Variants in CCDC85A observed in about 807,000 individuals in gnomAD.
CCDC85A encodes coiled-coil domain-containing protein 85A.
A neutral mutation model predicts 50.2 loss-of-function variants in CCDC85A; 38 were observed. The ratio of observed to expected loss-of-function variants is 0.76; its 90% CI spans 0.58 to 0.99. The LOEUF is 0.99. Ranked by LOEUF, CCDC85A falls within the 50% of genes least tolerant of loss-of-function variation. The probability of loss-of-function intolerance (pLI) is 0.00; values close to 1 mark genes in which losing one functional copy is unlikely to be tolerated. For missense variants in CCDC85A, 820 were observed against 742.0 expected (o/e 1.11, Z -1.22); for synonymous variants, 366 against 301.4 (o/e 1.21, Z -2.22).
intron 3 of CCDC85A, among the ~76,000 whole-genome samples, chr2:56,355,626 A>G (rs1675186354): frequency 6.6e-6 from 1 of 152,238 alleles, no homozygotes; most frequent in Non-Finnish European, 1.5e-5. Context: ...AAAGAGAAAA[A>G]TAAAATAAGA....
At chr2:56,350,777 G>T in intron 3 of CCDC85A, among the ~76,000 whole-genome samples, 1 of 144,266 alleles carries the variant, frequency 6.9e-6, no homozygotes. Context: ...TCTATTGCAT[G>T]GACATAGCAT....
chr2:56,184,918 G>C lies in CCDC85A; in HGVS notation c.276+18G>C, dbSNP rs376801761. On this transcript the variant is annotated intron_variant, in intron 1 of 5. Transcript: ENST00000407595. ...GCCTCAAGGTGAGCGCGGGCCAGGT[G>C]GGGAGGCGCGGCGCGGCTGGGAGCG... The C allele has an allele frequency of 3.9e-4, 575 of 1,462,800 alleles. 1 individual carries two copies. The African/African-American group carries it at 7.9e-3, about 20-fold the overall frequency. 90.6% of individuals were successfully genotyped at this position (1,462,800 alleles called of 1,614,324 possible).
intron 2 of CCDC85A, among the ~76,000 whole-genome samples, chr2:56,245,730 TG>T (rs1207394211): frequency 6.6e-6 from 1 of 152,078 alleles, no homozygotes; most frequent in African/African-American, 2.4e-5. Context: ...TATTAGGAGG[TG>T]GGGTCTCTAA....
chr2:56,263,034 A>G (rs1461214092), intron 2 of CCDC85A, among the ~76,000 whole-genome samples: 1 of 152,212 alleles, frequency 6.6e-6, no homozygotes, highest in Non-Finnish European at 1.5e-5. Context: ...GACTAAATGA[A>G]TACTTAGGTA....
intron 5 of CCDC85A, chr2:56,383,818 C>T: frequency 1.1e-6 from 1 of 889,302 alleles, no homozygotes; most frequent in Non-Finnish European, 1.3e-6. Context: ...ATATAGGAAC[C>T]AGGATGATCT....
At chr2:56,186,080 A>G (rs1003856545) in intron 1 of CCDC85A, among the ~76,000 whole-genome samples, 19 of 152,248 alleles carry the variant, frequency 1.2e-4, no homozygotes, top group African/African-American at 4.3e-4. Flanking sequence ...AGGCTCACCT[A>G]TGTGCTGGGC....
intron 3 of CCDC85A, among the ~76,000 whole-genome samples, chr2:56,352,421 C>T (rs975525979): frequency 6.6e-6 from 1 of 152,182 alleles, no homozygotes; most frequent in Non-Finnish European, 1.5e-5. Context: ...TCGCGGCTCA[C>T]TGCAATCTCC....
rs370966149 is a variant in CCDC85A, at chr2:56,266,584, C to CA, written c.1240+73144_1240+73145insA. On this transcript the variant is annotated intron_variant, in intron 2 of 5. Transcript: ENST00000407595. The stretch of plus-strand genomic sequence containing the variant: ...TGTCAATTAACAATAACGCGCCCCC[C>CA]CCCCCCATAATCTTCTTCCTCCAAA... Among the ~76,000 whole-genome samples, 3 of 131,672 alleles carry CA rather than the reference C, an allele frequency of 2.3e-5. 1 individual carries two copies. Among genetic ancestry groups the CA allele is most frequent in the Non-Finnish European group, 5.0e-5 (3 of 59,882 alleles). 86.4% of individuals were successfully genotyped at this position (131,672 alleles called of 152,430 possible). A position where few individuals can be genotyped will look rare whatever the true frequency, so the allele number is the denominator to read the frequency against.
chr2:56,184,322 C>T lies in CCDC85A; in HGVS notation c.-303C>T. On this transcript the variant is annotated 5_prime_UTR_variant, in exon 1 of 6. Coordinates refer to ENST00000407595, the MANE Select transcript of CCDC85A (RefSeq NM_001080433.2). Reference sequence around the variant, plus strand: ...CTCCCCCGCTGTCCCCGAGGATTTCCCGCGGCAGCCCCGGGCTCCCCAGTG... The same window carrying T: ...CTCCCCCGCTGTCCCCGAGGATTTCTCGCGGCAGCCCCGGGCTCCCCAGTG... The T allele has an allele frequency of 5.1e-6, 3 of 586,936 alleles. No individual in the cohort carries two copies. The highest frequency in any genetic ancestry group is 6.9e-6 in the Non-Finnish European group (3 of 433,846). 36.4% of individuals were successfully genotyped at this position (586,936 alleles called of 1,614,324 possible).
chr2:56,282,201 C>A (rs573720536), intron 2 of CCDC85A, among the ~76,000 whole-genome samples: 2 of 152,102 alleles, frequency 1.3e-5, no homozygotes, highest in Admixed American at 6.5e-5. Context: ...TACCTTGGCA[C>A]CCTTGTCAAA....
chr2:56,242,027 T>A (rs1669280483), intron 2 of CCDC85A, among the ~76,000 whole-genome samples: 1 of 152,212 alleles, frequency 6.6e-6, no homozygotes, highest in Admixed American at 6.5e-5. Flanking sequence ...CCATTTTAAA[T>A]AGAGTGAGAT....
intron 2 of CCDC85A, among the ~76,000 whole-genome samples, chr2:56,281,773 G>C (rs1161431320): frequency 6.6e-6 from 1 of 152,086 alleles, no homozygotes; most frequent in East Asian, 1.9e-4. Context: ...TGAATTTTTA[G>C]AGTTCTTTAT....
At chr2:56,300,009 G>A (rs1321773166) in intron 2 of CCDC85A, among the ~76,000 whole-genome samples, 2 of 152,154 alleles carry the variant, frequency 1.3e-5, no homozygotes, top group Non-Finnish European at 2.9e-5. Flanking sequence ...GTGAACAAGA[G>A]GCATCTGGGT....
intron 2 of CCDC85A, among the ~76,000 whole-genome samples, chr2:56,286,885 G>A (rs1453901288): frequency 6.6e-6 from 1 of 152,086 alleles, no homozygotes; most frequent in African/African-American, 2.4e-5. Flanking sequence ...ATTACTGGTG[G>A]GTTTTCTTGA....
intron 2 of CCDC85A, among the ~76,000 whole-genome samples, chr2:56,273,846 T>C (rs1670806609): frequency 6.6e-6 from 1 of 152,090 alleles, no homozygotes; most frequent in African/African-American, 2.4e-5. Context: ...CTGATGTTTG[T>C]TCATTATGAA....
At position 56,314,509 on chromosome 2, in the gene CCDC85A, G is replaced by A. The variant is rs148009337; in HGVS notation, c.1241-28370G>A. Among the ~76,000 whole-genome samples, 232 of 152,202 alleles carry A rather than the reference G, an allele frequency of 1.5e-3. 1 individual carries two copies. Among genetic ancestry groups the A allele is most frequent in the African/African-American group, 5.3e-3 (219 of 41,538 alleles). ...AATAGTTTTGGAAGTGCTGCATAGTGTATGTTCCCCCATCATTGCCAAGAT... is the reference window on the plus strand; with the variant it reads ...AATAGTTTTGGAAGTGCTGCATAGTATATGTTCCCCCATCATTGCCAAGAT... On this transcript the variant is annotated intron_variant, in intron 2 of 5. Transcript: ENST00000407595.
chr2:56,306,548 A>G (rs942738098), intron 2 of CCDC85A, among the ~76,000 whole-genome samples: 1 of 152,200 alleles, frequency 6.6e-6, no homozygotes, highest in African/African-American at 2.4e-5. Flanking sequence ...GTCAGAAAAA[A>G]ATGGGTTTCT....
chr2:56,214,880 T>A (rs913860230), intron 2 of CCDC85A, among the ~76,000 whole-genome samples: 1 of 151,942 alleles, frequency 6.6e-6, no homozygotes, highest in Non-Finnish European at 1.5e-5. Context: ...ACTTAAACTT[T>A]AGAATCAGTT....
At chr2:56,282,164 A>G (rs1671235052) in intron 2 of CCDC85A, among the ~76,000 whole-genome samples, 1 of 152,098 alleles carries the variant, frequency 6.6e-6, no homozygotes, top group Non-Finnish European at 1.5e-5. Context: ...CAATTTGTTG[A>G]AAAGACTGTT....
Sources: allele counts gnomAD v4.1 joint callset (sites outside exome capture counted in the v4.1 genomes callset), GRCh38; gene constraint gnomAD v4.1.1; transcripts MANE v1.5; gene names NCBI Gene and HGNC (gene_info 2026-07-23, HGNC 2026-07-21).